NUBPL: variants seen among roughly 807,000 people sequenced by gnomAD.
The protein encoded by NUBPL is NUBP iron-sulfur cluster assembly factor, mitochondrial, also known as iron-sulfur cluster transfer protein NUBPL.
In NUBPL, 31 loss-of-function variants were observed where a neutral mutation model predicts 45.7. The ratio of observed to expected loss-of-function variants is 0.68; its 90% CI spans 0.51 to 0.92. The LOEUF is 0.92. Ranked by LOEUF, NUBPL falls within the 40% of genes least tolerant of loss-of-function variation. The pLI, the probability that NUBPL is intolerant of heterozygous loss-of-function variation, is 0.00. For missense variants in NUBPL, 401 were observed against 398.7 expected (o/e 1.01, Z -0.05); for synonymous variants, 144 against 140.9 (o/e 1.02, Z -0.15).
intron 4 of NUBPL, among the ~76,000 whole-genome samples, chr14:31,619,734 A>T (rs1013047946): frequency 9.2e-5 from 14 of 151,618 alleles, no homozygotes; most frequent in Non-Finnish European, 2.1e-4. Context: ...CTTTATTTCA[A>T]CCTTGGTGAA....
At chr14:31,719,686 C>T (rs1164980632) in intron 6 of NUBPL, among the ~76,000 whole-genome samples, 1 of 151,802 alleles carries the variant, frequency 6.6e-6, no homozygotes. Flanking sequence ...ATAAAAAAGT[C>T]TTATACTTGT....
intron 6 of NUBPL, among the ~76,000 whole-genome samples, chr14:31,682,463 A>G (rs980260021): frequency 3.3e-5 from 5 of 152,064 alleles, no homozygotes; most frequent in Admixed American, 1.3e-4. Flanking sequence ...TGTTTTATCC[A>G]GTTTGATAAT....
chr14:31,793,691 T>C (rs2039424474), intron 7 of NUBPL, among the ~76,000 whole-genome samples: 1 of 152,080 alleles, frequency 6.6e-6, no homozygotes, highest in Admixed American at 6.6e-5. Context: ...ATGCAAAAAT[T>C]TTTTCCTATT....
intron 4 of NUBPL, among the ~76,000 whole-genome samples, chr14:31,610,308 A>G (rs933086238): frequency 6.6e-6 from 1 of 152,144 alleles, no homozygotes; most frequent in African/African-American, 2.4e-5. Context: ...TGGAAAATCT[A>G]GAAGAAATGG....
chr14:31,755,622 C>G (rs1334174822), intron 6 of NUBPL, among the ~76,000 whole-genome samples: 1 of 151,990 alleles, frequency 6.6e-6, no homozygotes, highest in East Asian at 1.9e-4. Context: ...GAGTAGGTTG[C>G]AAAAATTTTC....
chr14:31,859,247 G>A lies in NUBPL; in HGVS notation c.*67G>A. On this transcript the variant is annotated 3_prime_UTR_variant, in exon 11 of 11. Transcript: ENST00000281081. ...GAGGACCTTTGGAAATCAGCAATGT[G>A]GTGATGGAACCTACAGAAATAATAG... The A allele has an allele frequency of 1.7e-6, 2 of 1,143,356 alleles. No individual in the cohort carries two copies. The highest frequency in any genetic ancestry group is 1.7e-5 in the Admixed American group (1 of 59,246). 70.8% of individuals were successfully genotyped at this position (1,143,356 alleles called of 1,614,324 possible).
chr14:31,692,259 G>T (rs1285294464), intron 6 of NUBPL, among the ~76,000 whole-genome samples: 1 of 152,082 alleles, frequency 6.6e-6, no homozygotes, highest in Non-Finnish European at 1.5e-5. Flanking sequence ...CTGTTGTTAA[G>T]ATTCCTGATT....
At chr14:31,626,785 A>G (rs1444279062) in intron 4 of NUBPL, among the ~76,000 whole-genome samples, 2 of 152,218 alleles carry the variant, frequency 1.3e-5, no homozygotes, top group African/African-American at 4.8e-5. Context: ...AGAAATGGAA[A>G]GTCCTTTGGA....
At chr14:31,807,914 T>C (rs984042922) in intron 7 of NUBPL, among the ~76,000 whole-genome samples, 2 of 152,198 alleles carry the variant, frequency 1.3e-5, no homozygotes, top group African/African-American at 4.8e-5. Flanking sequence ...GTTAGGTTTG[T>C]CAAAGATCAG....
intron 8 of NUBPL, among the ~76,000 whole-genome samples, chr14:31,842,572 G>A (rs1361746156): frequency 6.6e-6 from 1 of 151,982 alleles, no homozygotes; most frequent in African/African-American, 2.4e-5. Context: ...CAACCTCCCA[G>A]GCTCAAGCAA....
intron 7 of NUBPL, among the ~76,000 whole-genome samples, chr14:31,815,895 A>G (rs571953124): frequency 7.7e-4 from 118 of 152,270 alleles, no homozygotes; most frequent in African/African-American, 2.7e-3. Context: ...CGACTTGATA[A>G]TGGTGGATAA....
intron 4 of NUBPL, among the ~76,000 whole-genome samples, chr14:31,642,740 G>A (rs990134411): frequency 6.6e-6 from 1 of 151,966 alleles, no homozygotes; most frequent in Non-Finnish European, 1.5e-5. Context: ...TTGGTATTTG[G>A]TAGGGATTGC....
intron 6 of NUBPL, among the ~76,000 whole-genome samples, chr14:31,712,627 G>A (rs985366055): frequency 2.0e-5 from 3 of 152,258 alleles, no homozygotes; most frequent in African/African-American, 7.2e-5. Flanking sequence ...CAGCCAGAGA[G>A]GATGCCGAGG....
intron 4 of NUBPL, among the ~76,000 whole-genome samples, chr14:31,611,399 C>A (rs2034753779): frequency 6.6e-6 from 1 of 152,070 alleles, no homozygotes; most frequent in South Asian, 2.1e-4. Flanking sequence ...AACTGTAAAA[C>A]ACTGATGCAA....
At chr14:31,645,309 G>A (rs370192861) in intron 4 of NUBPL, among the ~76,000 whole-genome samples, 45 of 151,878 alleles carry the variant, frequency 3.0e-4, no homozygotes, top group African/African-American at 8.0e-4. Context: ...CTCGTGATCC[G>A]CCCATCTCAG....
At chr14:31,797,926 C>T (rs1207857993) in intron 7 of NUBPL, among the ~76,000 whole-genome samples, 1 of 139,488 alleles carries the variant, frequency 7.2e-6, no homozygotes, top group African/African-American at 2.8e-5. Flanking sequence ...TTAGGGCAGG[C>T]CTGGTGGTGA....
intron 4 of NUBPL, among the ~76,000 whole-genome samples, chr14:31,602,729 G>T (rs2139570075): frequency 6.6e-6 from 1 of 152,194 alleles, no homozygotes; most frequent in Non-Finnish European, 1.5e-5. Flanking sequence ...AAAAATGGTA[G>T]ATCCTCATTA....
At chr14:31,758,291 A>C (rs150025894) in intron 6 of NUBPL, among the ~76,000 whole-genome samples, 53 of 152,326 alleles carry the variant, frequency 3.5e-4, no homozygotes, top group African/African-American at 1.2e-3. Context: ...TTTAATTATA[A>C]GACATGATTA....
At chr14:31,639,203 C>T (rs564060166) in intron 4 of NUBPL, among the ~76,000 whole-genome samples, 11 of 152,196 alleles carry the variant, frequency 7.2e-5, no homozygotes, top group African/African-American at 2.4e-4. Flanking sequence ...CATTTTTTCC[C>T]CATCTTTGTG....
Sources: allele counts gnomAD v4.1 joint callset (sites outside exome capture counted in the v4.1 genomes callset), GRCh38; gene constraint gnomAD v4.1.1; transcripts MANE v1.5; gene names NCBI Gene and HGNC (gene_info 2026-07-23, HGNC 2026-07-21).